The following RFX4 variants were observed in gnomAD, a reference collection of about 807,000 sequenced individuals.
The protein encoded by RFX4 is regulatory factor X4.
A neutral mutation model predicts 95.0 loss-of-function variants in RFX4; 10 were observed. That is an observed-to-expected ratio of 0.11 (90% CI 0.06 to 0.18). The LOEUF (loss-of-function observed/expected upper bound fraction) is 0.18, where lower values mean the gene tolerates loss of function less well. Ranked by LOEUF, RFX4 falls within the 10% of genes least tolerant of loss-of-function variation. The pLI, the probability that RFX4 is intolerant of heterozygous loss-of-function variation, is 1.00. For missense variants in RFX4, 640 were observed against 922.0 expected, an observed-to-expected ratio of 0.69 and a Z score of 3.96; for synonymous variants, 321 against 340.7, an observed-to-expected ratio of 0.94 and a Z score of 0.64.
At chr12:106,756,633 A>C (rs1008754334) in intron 17 of RFX4, among the ~76,000 whole-genome samples, 2 of 152,192 alleles carry the variant, frequency 1.3e-5, no homozygotes, top group Non-Finnish European at 2.9e-5. Flanking sequence ...CCCTGGGTTC[A>C]AATCCCAGCT....
chr12:106,594,091 C>T (rs751012500), intron 1 of RFX4, among the ~76,000 whole-genome samples: 6 of 152,162 alleles, frequency 3.9e-5, no homozygotes, highest in Admixed American at 6.5e-5. Flanking sequence ...GGCTACTAAC[C>T]GGGCTAAAAT....
chr12:106,658,216 A>G (rs2041000111), intron 4 of RFX4, among the ~76,000 whole-genome samples: 1 of 152,226 alleles, frequency 6.6e-6, no homozygotes, highest in Non-Finnish European at 1.5e-5. Flanking sequence ...CTTCATGATA[A>G]TAACCCTATG....
chr12:106,613,214 A>G (rs1383953886), intron 2 of RFX4, among the ~76,000 whole-genome samples: 1 of 119,462 alleles, frequency 8.4e-6, no homozygotes, highest in African/African-American at 3.2e-5. Context: ...GGTCTGGCAA[A>G]CAAAAATCAA....
At chr12:106,682,218 G>A (rs1328208979) in intron 5 of RFX4, 164 bp downstream of exon 5, 1 of 653,036 alleles carries the variant, frequency 1.5e-6, no homozygotes, top group Non-Finnish European at 2.6e-6. Context: ...CCCTCTCTCA[G>A]GACTCCTGAA....
intron 6 of RFX4, among the ~76,000 whole-genome samples, 174 bp from the exon 7 acceptor site, chr12:106,689,113 G>A (rs1183422219): frequency 6.6e-6 from 1 of 152,196 alleles, no homozygotes; most frequent in Non-Finnish European, 1.5e-5. Context: ...CCAAGGGTCA[G>A]AGAATACCAC....
rs557864244 is a variant in RFX4 at position 106,620,381 on chromosome 12, C to T, written c.130+11498C>T. Among the ~76,000 whole-genome samples, 13 of 152,210 alleles carry T rather than the reference C, an allele frequency of 8.5e-5. No homozygotes were observed. The East Asian group carries it at 1.9e-3, about 23-fold the overall frequency. ...GGCCACTGGGGGTGACATCACATAT[C>T]GGTAGGACCGTGATGCCTGCCTGAG... On this transcript the variant is annotated intron_variant, in intron 2 of 17. Coordinates refer to ENST00000392842, the MANE Select transcript of RFX4 (RefSeq NM_213594.3).
At chr12:106,641,967 C>CTATATATATCTA (rs371927014) in intron 3 of RFX4, among the ~76,000 whole-genome samples, 7 of 134,994 alleles carry the variant, frequency 5.2e-5, no homozygotes, top group Non-Finnish European at 1.1e-4. Flanking sequence ...ATATCTATAT[C>CTATATATATCTA]TATCTATATC....
At chr12:106,676,931 T>C (rs1241187264) in intron 4 of RFX4, among the ~76,000 whole-genome samples, 2 of 152,180 alleles carry the variant, frequency 1.3e-5, no homozygotes, top group African/African-American at 4.8e-5. Context: ...GCAGTAACAT[T>C]GCGGTGGTAG....
intron 7 of RFX4, among the ~76,000 whole-genome samples, chr12:106,694,835 G>C (rs2041849367): frequency 6.6e-6 from 1 of 152,054 alleles, no homozygotes; most frequent in Non-Finnish European, 1.5e-5. Context: ...AGGTACTCGA[G>C]ACCAGCCTGG....
intron 15 of RFX4, among the ~76,000 whole-genome samples, chr12:106,735,629 A>T (rs891103918): frequency 6.6e-6 from 1 of 152,218 alleles, no homozygotes; most frequent in African/African-American, 2.4e-5. Flanking sequence ...AAAGAAAAAA[A>T]CTGCATTGAA....
chr12:106,694,425 C>T (rs1003791663), intron 7 of RFX4, among the ~76,000 whole-genome samples: 1 of 152,140 alleles, frequency 6.6e-6, no homozygotes, highest in Admixed American at 6.5e-5. Context: ...GGCCCTACTC[C>T]TTGGAGGGGC....
At chr12:106,625,780 A>T (rs1486268161) in intron 2 of RFX4, among the ~76,000 whole-genome samples, 2 of 152,226 alleles carry the variant, frequency 1.3e-5, no homozygotes, top group Non-Finnish European at 2.9e-5. Flanking sequence ...ACCAGGCAGT[A>T]TGCTGGGCAT....
At chr12:106,717,000 C>CAAAAAAA (rs71311249) in intron 11 of RFX4, among the ~76,000 whole-genome samples, 2 of 60,498 alleles carry the variant, frequency 3.3e-5, no homozygotes, top group Non-Finnish European at 6.5e-5. Flanking sequence ...GCACAGGAGA[C>CAAAAAAA]AAAAAAAAAA....
At position 106,755,315 on chromosome 12, in the gene RFX4, C is replaced by T. The variant is rs79362660; in HGVS notation, c.1935+4522C>T. On this transcript the variant is annotated intron_variant, in intron 17 of 17. Transcript: ENST00000392842. ...CTCGCCATGTTGACCAGACATGTCTCGAACTCCTGGGCTCCAGTGATCCTC... is the reference window on the plus strand; with the variant it reads ...CTCGCCATGTTGACCAGACATGTCTTGAACTCCTGGGCTCCAGTGATCCTC... Among the ~76,000 whole-genome samples, 274 of 152,288 alleles carry T rather than the reference C, an allele frequency of 1.8e-3. 4 individuals carry two copies. In the East Asian group the frequency reaches 0.049, roughly 27 times the overall value.
At chr12:106,630,769 A>G (rs1035757125) in intron 2 of RFX4, among the ~76,000 whole-genome samples, 1 of 152,280 alleles carries the variant, frequency 6.6e-6, no homozygotes, top group Non-Finnish European at 1.5e-5. Flanking sequence ...AAACTCTGCC[A>G]CACTGACTCC....
chr12:106,584,347 C>T (rs957784387), intron 1 of RFX4, among the ~76,000 whole-genome samples: 3 of 152,100 alleles, frequency 2.0e-5, no homozygotes, highest in Admixed American at 1.3e-4. Context: ...TCTTGCAACC[C>T]GGCTATTTTC....
At chr12:106,672,031 A>G (rs2041292139) in intron 4 of RFX4, among the ~76,000 whole-genome samples, 1 of 152,192 alleles carries the variant, frequency 6.6e-6, no homozygotes, top group South Asian at 2.1e-4. Flanking sequence ...CATGGTGCTT[A>G]GTGATGCTCA....
chr12:106,633,829 C>G (rs565764906), intron 2 of RFX4, among the ~76,000 whole-genome samples: 1 of 152,344 alleles, frequency 6.6e-6, no homozygotes, highest in East Asian at 1.9e-4. Context: ...GGGAGCTTCC[C>G]TGGCTCCACC....
intron 4 of RFX4, 111 bp from the exon 5 acceptor site, chr12:106,681,882 G>A: frequency 1.8e-6 from 2 of 1,109,698 alleles, no homozygotes; most frequent in Non-Finnish European, 1.4e-6. Flanking sequence ...TTAAGTCATT[G>A]CAACCAAGGA....
Sources: allele counts gnomAD v4.1 joint callset (sites outside exome capture counted in the v4.1 genomes callset), GRCh38; gene constraint gnomAD v4.1.1; transcripts MANE v1.5; gene names NCBI Gene and HGNC (gene_info 2026-07-23, HGNC 2026-07-21).